Variants in ANKRD60 observed in about 807,000 individuals in gnomAD.
ANKRD60 encodes ankyrin repeat domain 60, also known as ankyrin repeat domain-containing protein 60.
A neutral mutation model predicts 21.3 loss-of-function variants in ANKRD60; 24 were observed. The ratio of observed to expected loss-of-function variants is 1.13; its 90% confidence interval spans 0.82 to 1.59. The LOEUF is 1.59. Among genes scored for constraint, ANKRD60 ranks in the 40% most tolerant of loss-of-function variants. The pLI is 0.00. For synonymous variants in ANKRD60, 182 were observed against 199.4 expected (o/e 0.91, Z 0.74); for missense variants, 490 against 466.7 (o/e 1.05, Z -0.46).
At chr20:58,227,993 T>C (rs865820755) in intron 1 of ANKRD60, among the ~76,000 whole-genome samples, 5 of 152,152 alleles carry the variant, frequency 3.3e-5, no homozygotes, top group African/African-American at 2.4e-5. Context: ...GGACAAGGTT[T>C]GCCTTGATTG....
intron 1 of ANKRD60, among the ~76,000 whole-genome samples, chr20:58,227,481 G>T (rs567510189): frequency 6.6e-5 from 10 of 152,222 alleles, no homozygotes; most frequent in African/African-American, 2.2e-4. Context: ...GGATTTTGGG[G>T]TCCTGAGGTG....
chr20:58,221,113 T>C (rs1413405883), intron 3 of ANKRD60, among the ~76,000 whole-genome samples: 1 of 152,146 alleles, frequency 6.6e-6, no homozygotes, highest in Non-Finnish European at 1.5e-5. Flanking sequence ...AGAAAGAATC[T>C]TCTCGAGACC....
Position 58,225,208 on chromosome 20 carries a change from G to A in ANKRD60, c.431-2026C>T, listed in dbSNP as rs141087226. ...TCAGTGTTAAGTCACCCCCTCTCTC[G>A]CGCTCCCTCTTAGCTCTCTTGGATT... On this transcript the variant is annotated intron_variant, in intron 1 of 3. Transcript: ENST00000457363. 3.0e-4 allele frequency among the ~76,000 whole-genome samples: 45 copies of A among 152,198 alleles called. No individual in the cohort carries two copies. In the East Asian group the frequency reaches 8.1e-3, roughly 27 times the overall value.
downstream of ANKRD60, among the ~76,000 whole-genome samples, chr20:58,216,577 T>C (rs1984140714): frequency 6.6e-6 from 1 of 152,352 alleles, no homozygotes; most frequent in Non-Finnish European, 1.5e-5. Flanking sequence ...AAGAACAAGA[T>C]CTCAGTTTTG....
At chr20:58,224,010 G>A (rs532171170) in intron 1 of ANKRD60, among the ~76,000 whole-genome samples, 29 of 152,232 alleles carry the variant, frequency 1.9e-4, no homozygotes, top group African/African-American at 6.0e-4. Flanking sequence ...GCTGAGGTGG[G>A]AGGATCACCT....
chr20:58,219,685 C>G (rs1254289391), intron 3 of ANKRD60, among the ~76,000 whole-genome samples: 2 of 152,170 alleles, frequency 1.3e-5, no homozygotes, highest in Non-Finnish European at 2.9e-5. Context: ...ATTTCAGTAG[C>G]CAGTTTTTAT....
downstream of ANKRD60, among the ~76,000 whole-genome samples, chr20:58,217,153 G>A (rs550237949): frequency 4.6e-5 from 7 of 152,284 alleles, no homozygotes; most frequent in African/African-American, 1.2e-4. Context: ...AGATCTGGCC[G>A]GGTGTGGTGG....
intron 1 of ANKRD60, among the ~76,000 whole-genome samples, chr20:58,226,822 G>A (rs183291332): frequency 1.2e-4 from 18 of 152,242 alleles, no homozygotes; most frequent in Admixed American, 1.2e-3. Flanking sequence ...TTTGAATTTT[G>A]GGGTCCATAT....
At chr20:58,219,308 C>G (rs1157158026) in intron 3 of ANKRD60, among the ~76,000 whole-genome samples, 1 of 152,216 alleles carries the variant, frequency 6.6e-6, no homozygotes, top group African/African-American at 2.4e-5. Context: ...ATGAAACCTC[C>G]TGTGTAAGCT....
At chr20:58,226,837 G>C (rs189129687) in intron 1 of ANKRD60, among the ~76,000 whole-genome samples, 18 of 152,228 alleles carry the variant, frequency 1.2e-4, no homozygotes, top group Admixed American at 1.2e-3. Context: ...CCATATGTGG[G>C]CAGGGTTCAT....
At chr20:58,218,677 C>G in exon 4 of ANKRD60, 1 of 1,551,736 alleles carries the variant, frequency 6.4e-7, no homozygotes. Context: ...GGGGTCTCCC[C>G]CTTGGCATCT....
rs1419845569 is a variant in ANKRD60 at position 58,228,446 on chromosome 20, G to A, written c.208C>T (p.Arg70Cys). Reference sequence around the variant, plus strand: ...CAGACGAGCCGCTGGCTCCGGCCGCGGGCACAGGCCAGGGGCTGCGCGGGG... The same window carrying A: ...CAGACGAGCCGCTGGCTCCGGCCGCAGGCACAGGCCAGGGGCTGCGCGGGG... Residue 70 changes from arginine to cysteine, a missense_variant, in exon 1 of 4, where the codon CGC becomes TGC. Coordinates refer to ENST00000457363, the Ensembl canonical transcript of ANKRD60. This position sits in a 1 kb window ranked among gnomAD's most constrained non-coding sequence, Gnocchi z 5.3. 7 of 1,539,754 alleles carry A rather than the reference G, an allele frequency of 4.5e-6. No individual in the cohort carries two copies. The highest frequency in any genetic ancestry group is 1.4e-5 in the African/African-American group (1 of 72,936).
At chr20:58,227,363 T>G (rs775195655) in intron 1 of ANKRD60, among the ~76,000 whole-genome samples, 5 of 151,948 alleles carry the variant, frequency 3.3e-5, no homozygotes, top group Non-Finnish European at 5.9e-5. Flanking sequence ...GGACAGGGTT[T>G]GTTTTGATTT....
At chr20:58,218,708 G>A (rs1192511) in exon 4 of ANKRD60, 1,351,368 of 1,551,640 alleles carry the variant, frequency 0.87, 597,807 homozygotes, top group Non-Finnish European at 0.91. Context: ...TGGAGGCCCC[G>A]TGCTGGAGCA....
At chr20:58,219,575 G>T (rs1390755666) in intron 3 of ANKRD60, among the ~76,000 whole-genome samples, 1 of 152,158 alleles carries the variant, frequency 6.6e-6, no homozygotes, top group Non-Finnish European at 1.5e-5. Flanking sequence ...AGATGGATGG[G>T]CTAATGACAG....
intron 2 of ANKRD60, among the ~76,000 whole-genome samples, chr20:58,222,496 C>T (rs769105974): frequency 2.0e-4 from 31 of 152,356 alleles, no homozygotes; most frequent in South Asian, 4.1e-4. Flanking sequence ...CATTGCCCCT[C>T]GTGTCACAGT....
intron 1 of ANKRD60, among the ~76,000 whole-genome samples, chr20:58,225,012 G>C (rs557530618): frequency 1.3e-5 from 2 of 152,248 alleles, no homozygotes; most frequent in Admixed American, 6.5e-5. Flanking sequence ...TTTTGAGGTG[G>C]GTAGGAGAGG....
intron 1 of ANKRD60, among the ~76,000 whole-genome samples, chr20:58,224,448 G>A (rs1984326802): frequency 6.6e-6 from 1 of 152,178 alleles, no homozygotes. Context: ...TCCAAGGTAG[G>A]TTTGTTAACT....
rs1407873061 is a variant in ANKRD60, at chr20:58,223,009, G to T, written c.561+43C>A. The T allele has an allele frequency of 6.0e-6, 9 of 1,510,954 alleles. No homozygotes were observed. The African/African-American group carries it at 9.8e-5, about 17-fold the overall frequency. The allele number at this position is 1,510,954 out of a possible 1,614,324, so 93.6% of individuals were successfully genotyped here. A position where few individuals can be genotyped will look rare whatever the true frequency, so the allele number is the denominator to read the frequency against. ...AATTTTCCCCCCACAATTTACGGTTGCTTCGTAACGTATAATATCCATTTA... is the reference window on the plus strand; with the variant it reads ...AATTTTCCCCCCACAATTTACGGTTTCTTCGTAACGTATAATATCCATTTA... On this transcript the variant is annotated intron_variant, in intron 2 of 3. Transcript: ENST00000457363.
Sources: allele counts gnomAD v4.1 joint callset (sites outside exome capture counted in the v4.1 genomes callset), GRCh38; gene constraint gnomAD v4.1.1; non-coding constraint Gnocchi (gnomAD v3.1); transcripts MANE v1.5; gene names NCBI Gene and HGNC (gene_info 2026-07-23, HGNC 2026-07-21).